LGALS12: variants seen among roughly 807,000 people sequenced by gnomAD.
LGALS12 encodes the protein galectin 12, also known as galectin-12.
A neutral mutation model predicts 36.8 loss-of-function variants in LGALS12; 36 were observed. That is an observed-to-expected ratio of 0.98 (90% CI 0.75 to 1.29). The LOEUF is 1.29. Ranked by LOEUF, LGALS12 falls within the 50% of genes most tolerant of loss-of-function variation. LGALS12 has a pLI of 0.00. For missense variants in LGALS12, 366 were observed against 394.3 expected (o/e 0.93, Z 0.61); for synonymous variants, 145 against 155.9 (o/e 0.93, Z 0.52).
Position 63,516,570 on chromosome 11 carries a change from C to A in LGALS12, c.*177C>A. On this transcript the variant is annotated 3_prime_UTR_variant, in exon 9 of 9. Transcript: ENST00000394618. ...GGGCCTGAGGGAAGGCACAAGAGTG[C>A]AAAGGTTCCTCGAACTCTGCACCTT... 1 of 705,500 alleles carries A rather than the reference C, an allele frequency of 1.4e-6. No individual in the cohort carries two copies. The highest frequency in any genetic ancestry group is 2.4e-6 in the Non-Finnish European group (1 of 423,942). 43.7% of individuals were successfully genotyped at this position (705,500 alleles called of 1,614,324 possible). A position where few individuals can be genotyped will look rare whatever the true frequency, so the allele number is the denominator to read the frequency against.
At position 63,506,588 on chromosome 11, in the gene LGALS12, C is replaced by G. The variant is rs2016749836; in HGVS notation, c.69+61C>G. On this transcript the variant is annotated intron_variant, in intron 1 of 8. Transcript: ENST00000394618. ...TCTGGGCTCTTCCCTTCCAACTGGG[C>G]CCACACTCCTGGGTGGTGGGGTGGA... The G allele has an allele frequency of 1.9e-6, 3 of 1,603,812 alleles. No homozygotes were observed. The Admixed American group carries it at 5.0e-5, about 27-fold the overall frequency.
chr11:63,508,791 T>A lies in LGALS12; in HGVS notation c.172T>A (p.Phe58Ile), dbSNP rs769501371. The change falls in exon 3 of 9, where the codon TTC (phenylalanine) becomes ATC (isoleucine). Residue 58 changes from phenylalanine to isoleucine, a missense_variant. By Grantham distance (21) the Phe-to-Ile change is conservative. Transcript: ENST00000394618. ...ACCTCCCAGTAGGTTTCAGGTGGAC[T>A]TCCAGTGTGGCTGCAGCCTGTGTCC... ...PLDAHRFQVD[F>I]QCGCSLCPRP... 2 of 1,614,164 alleles carry A rather than the reference T, an allele frequency of 1.2e-6. No homozygotes were observed. The highest frequency in any genetic ancestry group is 2.2e-5 in the South Asian group (2 of 91,090).
intron 8 of LGALS12, 68 bp from the exon 9 acceptor site, chr11:63,516,179 G>C: frequency 6.6e-7 from 1 of 1,510,742 alleles, no homozygotes; most frequent in Admixed American, 2.2e-5. Flanking sequence ...TCTCACTGGA[G>C]AGAGCGTCAG....
intron 1 of LGALS12, 69 bp from the exon 2 acceptor site, chr11:63,508,484 C>T: frequency 6.3e-7 from 1 of 1,592,492 alleles, no homozygotes; most frequent in Non-Finnish European, 8.5e-7. Flanking sequence ...TTTCCTCCCA[C>T]TCGCCTGACA....
intron 7 of LGALS12, 100 bp from the exon 8 acceptor site, chr11:63,515,463 C>T: frequency 7.1e-7 from 1 of 1,414,622 alleles, no homozygotes. Flanking sequence ...GCAGCTCAAC[C>T]TTCCATCCAC....
intron 3 of LGALS12, among the ~76,000 whole-genome samples, chr11:63,509,260 T>TA: frequency 6.6e-6 from 1 of 152,378 alleles, no homozygotes; most frequent in East Asian, 1.9e-4. Context: ...GGAACTGTTC[T>TA]AAGCCCTTAA....
At position 63,509,996 on chromosome 11, in the gene LGALS12, G is replaced by A; in HGVS notation, c.492+99G>A. On this transcript the variant is annotated intron_variant, in intron 4 of 8. Transcript: ENST00000394618. The stretch of plus-strand genomic sequence containing the variant: ...CCCCTTCCTCCACCCTAGACTGAGA[G>A]AGAGGACGCCCTGTGCACCAGTAAT... The A allele has an allele frequency of 4.9e-6, 7 of 1,414,332 alleles. No homozygotes were observed. The South Asian group carries it at 9.8e-5, about 20-fold the overall frequency. 87.6% of individuals were successfully genotyped at this position (1,414,332 alleles called of 1,614,324 possible).
chr11:63,509,680 G>A, intron 3 of LGALS12, 98 bp from the exon 4 acceptor site: 2 of 1,375,314 alleles, frequency 1.5e-6, no homozygotes, highest in Non-Finnish European at 2.0e-6. Flanking sequence ...GTTAAGTGAG[G>A]CAAAATTGAG....
rs758858661 is a variant in LGALS12, at chr11:63,515,631, G to C, written c.716G>C (p.Arg239Thr). 1 of 1,614,242 alleles carries C rather than the reference G, an allele frequency of 6.2e-7. No homozygotes were observed. The highest frequency in any genetic ancestry group is 8.5e-7 in the Non-Finnish European group (1 of 1,180,044). ...PVTLRASFAD[R>T]TLAWISRWGQ... Reference sequence around the variant, plus strand: ...ACACTCAGGGCCTCCTTCGCAGACAGAACTCTGGCCTGGATCTCCCGCTGG... The same window carrying C: ...ACACTCAGGGCCTCCTTCGCAGACACAACTCTGGCCTGGATCTCCCGCTGG... The change falls in exon 8 of 9, where the codon AGA (arginine) becomes ACA (threonine). Residue 239 changes from arginine to threonine, a missense_variant. Arg to Thr is a moderately conservative substitution (Grantham distance 71, BLOSUM62 -1). Coordinates refer to ENST00000394618, the MANE Select transcript of LGALS12 (RefSeq NM_033101.4).
chr11:63,508,447 A>G, intron 1 of LGALS12, 106 bp from the exon 2 acceptor site: 1 of 1,502,288 alleles, frequency 6.7e-7, no homozygotes, highest in Non-Finnish European at 8.9e-7. Flanking sequence ...CTGTTTGGAG[A>G]GGAAAAGTTG....
intron 3 of LGALS12, 130 bp from the exon 4 acceptor site, chr11:63,509,648 T>C: frequency 2.2e-6 from 2 of 896,508 alleles, no homozygotes; most frequent in Admixed American, 4.9e-5. Context: ...AAAATGTACC[T>C]ACCTCATAGA....
At chr11:63,508,405 G>A (rs2016805786) in intron 1 of LGALS12, 148 bp from the exon 2 acceptor site, 1 of 1,456,576 alleles carries the variant, frequency 6.9e-7, no homozygotes, top group South Asian at 1.5e-5. Context: ...AAATATTTCA[G>A]TGAACACTGA....
At chr11:63,514,933 AG>A (rs1339759585) in intron 7 of LGALS12, among the ~76,000 whole-genome samples, 1 of 152,152 alleles carries the variant, frequency 6.6e-6, no homozygotes, top group Non-Finnish European at 1.5e-5. Context: ...TTTAAACAAT[AG>A]GTATCATCTG....
At chr11:63,506,968 G>A (rs2016759715) in intron 1 of LGALS12, among the ~76,000 whole-genome samples, 1 of 152,176 alleles carries the variant, frequency 6.6e-6, no homozygotes, top group Non-Finnish European at 1.5e-5. Context: ...GTGCCCAAGA[G>A]GTTTTCTGAA....
At chr11:63,506,616 G>C in intron 1 of LGALS12, 89 bp downstream of exon 1, 1 of 1,546,656 alleles carries the variant, frequency 6.5e-7, no homozygotes, top group Non-Finnish European at 8.9e-7. Context: ...GGGGTGGAAA[G>C]GACCTCAGTC....
intron 3 of LGALS12, 141 bp downstream of exon 3, chr11:63,509,132 C>T (rs1003261130): frequency 2.0e-5 from 14 of 709,060 alleles, no homozygotes; most frequent in Middle Eastern, 4.0e-4. Context: ...CTGCCATGCC[C>T]GGTTCCAGGC....
At chr11:63,510,569 C>A in intron 5 of LGALS12, 68 bp downstream of exon 5, 1 of 1,480,672 alleles carries the variant, frequency 6.8e-7, no homozygotes, top group South Asian at 1.1e-5. Context: ...CTGCTGCTCC[C>A]ATTACACAAG....
Position 63,516,419 on chromosome 11 carries a change from G to A in LGALS12, c.*26G>A, listed in dbSNP as rs1442643814. 2 of 1,613,120 alleles carry A rather than the reference G, an allele frequency of 1.2e-6. No individual in the cohort carries two copies. The highest frequency in any genetic ancestry group is 1.7e-6 in the Non-Finnish European group (2 of 1,179,918). On this transcript the variant is annotated 3_prime_UTR_variant, in exon 9 of 9. Coordinates refer to ENST00000394618, the MANE Select transcript of LGALS12 (RefSeq NM_033101.4). ...GGATGGTTCCAGGGAAATACCGCCA[G>A]AAAACAAGAAGGTCAGCCCACTCCC...
At chr11:63,511,613 T>C (rs2016923458) in intron 6 of LGALS12, 139 bp from the exon 7 acceptor site, 3 of 638,244 alleles carry the variant, frequency 4.7e-6, no homozygotes, top group Non-Finnish European at 8.4e-6. Context: ...GGCCAGGTGC[T>C]TAACAAATAA....
Sources: gnomAD v4.1 joint callset for allele counts (sites outside exome capture counted in the v4.1 genomes callset) on GRCh38, gnomAD v4.1.1 for gene constraint, MANE v1.5 for transcripts, NCBI Gene and HGNC (gene_info 2026-07-23, HGNC 2026-07-21) for gene names.